The following LHFPL3 variants were observed in gnomAD, a reference collection of about 807,000 sequenced individuals.
The protein encoded by LHFPL3 is LHFPL tetraspan subfamily member 3 protein.
In LHFPL3, 5 loss-of-function variants were observed where a neutral mutation model predicts 19.3. That is an observed-to-expected ratio of 0.26 (90% CI 0.14 to 0.54). The LOEUF is 0.54. Ranked by LOEUF, LHFPL3 falls within the 20% of genes least tolerant of loss-of-function variation. The pLI is 0.94. For missense variants in LHFPL3, 249 were observed against 307.4 expected (o/e 0.81, Z 1.42); for synonymous variants, 133 against 126.2 (o/e 1.05, Z -0.36).
chr7:104,491,369 C>T (rs994898947), intron 1 of LHFPL3, among the ~76,000 whole-genome samples: 1 of 151,952 alleles, frequency 6.6e-6, no homozygotes, highest in Non-Finnish European at 1.5e-5. Flanking sequence ...CTGGCAGATT[C>T]CAGCTGGAAT....
chr7:104,642,731 G>A (rs1000288603), intron 1 of LHFPL3, among the ~76,000 whole-genome samples: 24 of 152,246 alleles, frequency 1.6e-4, no homozygotes, highest in African/African-American at 4.3e-4. Context: ...TGCAGGGTGC[G>A]ACAGGAGAAG....
chr7:104,570,501 A>T (rs755832447), intron 1 of LHFPL3, among the ~76,000 whole-genome samples: 12 of 152,206 alleles, frequency 7.9e-5, no homozygotes, highest in Middle Eastern at 3.2e-3. Flanking sequence ...GTACATGTCT[A>T]TTATGTCATA....
At chr7:104,367,389 G>A (rs181636751) in intron 1 of LHFPL3, among the ~76,000 whole-genome samples, 34 of 152,230 alleles carry the variant, frequency 2.2e-4, no homozygotes, top group African/African-American at 7.0e-4. Context: ...AACCTATGTC[G>A]TCAACATCTT....
In LHFPL3 at chr7:104,908,176, C is replaced by A. The variant is rs535355460; in HGVS notation, c.*1961C>A. ...GCAAACTACAAATTCCATCGGGAGT[C>A]CTACATCACTAACAGTGGTATGAAC... On this transcript the variant is annotated 3_prime_UTR_variant, in exon 3 of 3. Coordinates refer to ENST00000424859, the MANE Select transcript of LHFPL3 (RefSeq NM_199000.3). Among the ~76,000 whole-genome samples the A allele has an allele frequency of 6.6e-6, 1 of 152,154 alleles. No individual in the cohort carries two copies. The highest frequency in any genetic ancestry group is 1.5e-5 in the Non-Finnish European group (1 of 68,024).
intron 1 of LHFPL3, among the ~76,000 whole-genome samples, chr7:104,334,273 GCA>G (rs1194884349): frequency 6.6e-6 from 1 of 152,222 alleles, no homozygotes; most frequent in East Asian, 1.9e-4. Flanking sequence ...TGGGCTGGGT[GCA>G]GTGGCTCACA....
intron 1 of LHFPL3, among the ~76,000 whole-genome samples, chr7:104,410,969 G>A (rs1357002727): frequency 1.3e-5 from 2 of 152,076 alleles, no homozygotes; most frequent in Non-Finnish European, 2.9e-5. Context: ...GTATCGTAGG[G>A]CCCAGCCAGA....
chr7:104,840,173 T>C (rs1791168105), intron 2 of LHFPL3, among the ~76,000 whole-genome samples: 1 of 151,934 alleles, frequency 6.6e-6, no homozygotes, highest in South Asian at 2.1e-4. Context: ...CAAGTTCACA[T>C]CCAGCCCTAA....
chr7:104,396,861 T>G (rs977089588), intron 1 of LHFPL3, among the ~76,000 whole-genome samples: 4 of 151,820 alleles, frequency 2.6e-5, no homozygotes, highest in Non-Finnish European at 4.4e-5. Flanking sequence ...TCCTAGCTAC[T>G]CAGGAGGCTG....
chr7:104,882,453 G>C (rs960021448), intron 2 of LHFPL3, among the ~76,000 whole-genome samples: 3 of 152,112 alleles, frequency 2.0e-5, no homozygotes, highest in African/African-American at 7.2e-5. Context: ...TCATCATGTT[G>C]GCCAGGCTAG....
chr7:104,393,381 CA>C (rs1204622629), intron 1 of LHFPL3, among the ~76,000 whole-genome samples: 1 of 149,842 alleles, frequency 6.7e-6, no homozygotes. Context: ...ATAATAACCA[CA>C]AAGTAAAAAA....
chr7:104,870,270 G>C (rs889374158), intron 2 of LHFPL3, among the ~76,000 whole-genome samples: 1 of 152,078 alleles, frequency 6.6e-6, no homozygotes, highest in Admixed American at 6.6e-5. Context: ...CTGTACAAAA[G>C]ACAGCATTGA....
intron 1 of LHFPL3, among the ~76,000 whole-genome samples, chr7:104,366,822 T>A (rs1790504251): frequency 6.6e-6 from 1 of 152,216 alleles, no homozygotes; most frequent in African/African-American, 2.4e-5. Context: ...GAAACAGAAA[T>A]GAGAACCTAG....
chr7:104,669,445 G>T (rs917063683), intron 1 of LHFPL3: 4 of 1,613,072 alleles, frequency 2.5e-6, no homozygotes, highest in Non-Finnish European at 3.4e-6. Context: ...AAAGGATCAA[G>T]ACTCCAGATC....
chr7:104,750,420 T>C (rs1049863872), intron 2 of LHFPL3, among the ~76,000 whole-genome samples: 7 of 152,190 alleles, frequency 4.6e-5, no homozygotes, highest in African/African-American at 1.4e-4. Context: ...CCTTAATGTA[T>C]GGCAGGAGTA....
Position 104,645,725 on chromosome 7 carries a change from A to G in LHFPL3, c.446-90950A>G, listed in dbSNP as rs973439099. Among the ~76,000 whole-genome samples the G allele has an allele frequency of 2.4e-4, 28 of 116,114 alleles. No individual in the cohort carries two copies. The Admixed American group carries it at 3.3e-3, about 14-fold the overall frequency. The allele number at this position is 116,114 out of a possible 152,430, so 76.2% of individuals were successfully genotyped here. A position where few individuals can be genotyped will look rare whatever the true frequency, so the allele number is the denominator to read the frequency against. ...GCCCAGGCTGGAGTGCAGTGGCGTGATCTTGGCTCACTGCAAGCTCCGCCT... is the reference window on the plus strand; with the variant it reads ...GCCCAGGCTGGAGTGCAGTGGCGTGGTCTTGGCTCACTGCAAGCTCCGCCT... On this transcript the variant is annotated intron_variant, in intron 1 of 2. Coordinates refer to ENST00000424859, the MANE Select transcript of LHFPL3 (RefSeq NM_199000.3).
At chr7:104,510,666 A>C (rs558986405) in intron 1 of LHFPL3, among the ~76,000 whole-genome samples, 2 of 152,344 alleles carry the variant, frequency 1.3e-5, no homozygotes, top group East Asian at 3.9e-4. Flanking sequence ...CACAGTGCAT[A>C]AAATGAAACA....
intron 2 of LHFPL3, among the ~76,000 whole-genome samples, chr7:104,822,415 G>A (rs1349438766): frequency 6.6e-6 from 1 of 152,164 alleles, no homozygotes; most frequent in African/African-American, 2.4e-5. Flanking sequence ...TCCTTCTGCT[G>A]CAGGGTTACT....
At chr7:104,570,188 T>TATTG (rs932222806) in intron 1 of LHFPL3, among the ~76,000 whole-genome samples, 1 of 152,200 alleles carries the variant, frequency 6.6e-6, no homozygotes, top group African/African-American at 2.4e-5. Context: ...GCCCAGTCTA[T>TATTG]ATTGATTGAT....
intron 1 of LHFPL3, among the ~76,000 whole-genome samples, chr7:104,584,314 G>T (rs903059902): frequency 2.6e-5 from 4 of 151,962 alleles, no homozygotes; most frequent in Non-Finnish European, 5.9e-5. Flanking sequence ...GTTGTGGGGT[G>T]GGGGGAGAGG....
Sources: allele counts gnomAD v4.1 joint callset (sites outside exome capture counted in the v4.1 genomes callset), GRCh38; gene constraint gnomAD v4.1.1; transcripts MANE v1.5; gene names NCBI Gene and HGNC (gene_info 2026-07-23, HGNC 2026-07-21).